The following KAZN variants were observed in gnomAD, a reference collection of about 807,000 sequenced individuals.
The protein encoded by KAZN is kazrin.
A neutral mutation model predicts 87.4 loss-of-function variants in KAZN; 40 were observed. The ratio of observed to expected loss-of-function variants is 0.46; its 90% CI spans 0.36 to 0.60. The LOEUF (loss-of-function observed/expected upper bound fraction) is 0.60, where lower values mean the gene tolerates loss of function less well. Ranked by LOEUF, KAZN falls within the 20% of genes least tolerant of loss-of-function variation. The pLI is 0.00. For synonymous variants in KAZN, 466 were observed against 458.3 expected, an observed-to-expected ratio of 1.02 and a Z score of -0.22; for missense variants, 898 against 1,073.9, an observed-to-expected ratio of 0.84 and a Z score of 2.29.
intron 1 of KAZN, among the ~76,000 whole-genome samples, chr1:14,943,930 C>A (rs1387422955): frequency 6.6e-6 from 1 of 152,122 alleles, no homozygotes; most frequent in African/African-American, 2.4e-5. Flanking sequence ...ACTAATTAGC[C>A]GGGCGTGGTG....
intron 1 of KAZN, among the ~76,000 whole-genome samples, chr1:14,629,524 G>A (rs942185666): frequency 1.3e-5 from 2 of 152,182 alleles, no homozygotes; most frequent in Admixed American, 6.5e-5. Flanking sequence ...GCAGCAACTC[G>A]GGTGAGGTGG....
chr1:14,567,082 T>G (rs1272523411), intron 2 of KAZN, among the ~76,000 whole-genome samples: 1 of 152,256 alleles, frequency 6.6e-6, no homozygotes, highest in Admixed American at 6.5e-5. Context: ...TGGCTTTCAA[T>G]GTGTCTTCCT....
At chr1:14,733,905 G>A (rs1440239964) in intron 1 of KAZN, among the ~76,000 whole-genome samples, 1 of 152,118 alleles carries the variant, frequency 6.6e-6, no homozygotes, top group Non-Finnish European at 1.5e-5. Flanking sequence ...TGCAGCCCAC[G>A]CCCCAGCCAG....
chr1:14,928,762 C>T (rs1422515727), intron 1 of KAZN, among the ~76,000 whole-genome samples: 3 of 152,136 alleles, frequency 2.0e-5, no homozygotes, highest in African/African-American at 7.2e-5. Flanking sequence ...GCTAGCAGGG[C>T]GAGGGCAGGA....
intron 1 of KAZN, among the ~76,000 whole-genome samples, chr1:14,942,688 G>A (rs747094576): frequency 3.4e-4 from 52 of 152,200 alleles, no homozygotes; most frequent in Admixed American, 9.8e-4. Context: ...ATGGAAGGAC[G>A]CTTTTGCCCC....
intron 1 of KAZN, among the ~76,000 whole-genome samples, chr1:14,098,427 T>C (rs1644177101): frequency 1.3e-5 from 2 of 152,174 alleles, no homozygotes; most frequent in Non-Finnish European, 2.9e-5. Flanking sequence ...GCAGCTATAG[T>C]ATGCTCCTTT....
chr1:14,693,254 C>A (rs1033384718), intron 1 of KAZN, among the ~76,000 whole-genome samples: 1 of 152,242 alleles, frequency 6.6e-6, no homozygotes, highest in African/African-American at 2.4e-5. Context: ...TTAATAGAAC[C>A]CCTTCTGAGA....
At position 14,241,279 on chromosome 1, in the gene KAZN, C is replaced by A. The variant is rs551281058; in HGVS notation, c.249+60687C>A. 4.6e-5 allele frequency among the ~76,000 whole-genome samples: 7 copies of A among 152,314 alleles called. No homozygotes were observed. The East Asian group carries it at 1.4e-3, about 29-fold the overall frequency. On this transcript the variant is annotated intron_variant, in intron 2 of 16. Transcript: ENST00000636203. ...TGAACTAGAACCCAGGACTCTGGAT[C>A]TTCCCAGGCTCTGGCCTCCACTGAA...
intron 2 of KAZN, among the ~76,000 whole-genome samples, chr1:14,419,115 A>T (rs533016873): frequency 6.6e-6 from 1 of 152,204 alleles, no homozygotes; most frequent in Admixed American, 6.5e-5. Flanking sequence ...ATCTCTTGGT[A>T]GCACCCCATC....
chr1:14,080,877 CA>C (rs1643649829), intron 1 of KAZN, among the ~76,000 whole-genome samples: 1 of 152,152 alleles, frequency 6.6e-6, no homozygotes, highest in Admixed American at 6.5e-5. Context: ...TCTAAGACCT[CA>C]GCACTAAACA....
intron 1 of KAZN, among the ~76,000 whole-genome samples, chr1:14,132,287 G>T (rs1028029551): frequency 6.6e-6 from 1 of 152,122 alleles, no homozygotes; most frequent in East Asian, 1.9e-4. Context: ...GATGTGCTAG[G>T]GTCAGGGGGT....
At chr1:14,133,659 A>C (rs981559605) in intron 1 of KAZN, among the ~76,000 whole-genome samples, 1 of 152,054 alleles carries the variant, frequency 6.6e-6, no homozygotes, top group African/African-American at 2.4e-5. Context: ...CCTGTTCTTG[A>C]CCAAGCAGAG....
At chr1:14,798,212 TA>T (rs1437447563) in intron 1 of KAZN, among the ~76,000 whole-genome samples, 1 of 151,882 alleles carries the variant, frequency 6.6e-6, no homozygotes, top group Non-Finnish European at 1.5e-5. Flanking sequence ...GGGAAAGGAG[TA>T]AAACCACGGT....
At chr1:14,208,987 C>T (rs933027163) in intron 2 of KAZN, among the ~76,000 whole-genome samples, 6 of 152,344 alleles carry the variant, frequency 3.9e-5, no homozygotes, top group Middle Eastern at 3.4e-3. Flanking sequence ...ACAAGAGCCT[C>T]GCAGGACATC....
intron 1 of KAZN, among the ~76,000 whole-genome samples, chr1:14,663,458 T>C (rs1018673565): frequency 3.3e-5 from 5 of 152,164 alleles, no homozygotes; most frequent in Admixed American, 3.3e-4. Context: ...CTATCCCTTC[T>C]CTCTTTAACC....
In KAZN at chr1:15,102,523, C is replaced by CT. The variant is rs1397236322; in HGVS notation, c.1779+750dup. Among the ~76,000 whole-genome samples, 18 of 152,242 alleles carry CT rather than the reference C, an allele frequency of 1.2e-4. No individual in the cohort carries two copies. In the East Asian group the frequency reaches 3.5e-3, roughly 29 times the overall value. ...CAGAGGTCACCAGGGGCCTGAGCTG[C>CT]TGGGCACTGTGGGGCTGAGTCCAGG... is the stretch of plus-strand genomic sequence containing the variant. On this transcript the variant is annotated intron_variant, in intron 11 of 14. Coordinates refer to ENST00000376030, the MANE Select transcript of KAZN (RefSeq NM_201628.3).
At chr1:14,209,929 A>G (rs1255732346) in intron 2 of KAZN, among the ~76,000 whole-genome samples, 1 of 152,088 alleles carries the variant, frequency 6.6e-6, no homozygotes, top group East Asian at 1.9e-4. Flanking sequence ...GGAACTGTGA[A>G]TGACTGATCC....
At chr1:14,140,255 T>C (rs6699488) in intron 1 of KAZN, among the ~76,000 whole-genome samples, 84,616 of 151,768 alleles carry the variant, frequency 0.56, 25,007 homozygotes, top group East Asian at 0.72. Flanking sequence ...AAGCCTCAAT[T>C]TCCTTATCTG....
intron 1 of KAZN, among the ~76,000 whole-genome samples, chr1:14,933,690 G>T (rs1239752998): frequency 2.6e-5 from 4 of 151,876 alleles, no homozygotes; most frequent in Non-Finnish European, 5.9e-5. Flanking sequence ...GGTGTGCAAG[G>T]GCTGTTCACA....
Sources: gnomAD v4.1 joint callset for allele counts (sites outside exome capture counted in the v4.1 genomes callset) on GRCh38, gnomAD v4.1.1 for gene constraint, MANE v1.5 for transcripts, NCBI Gene and HGNC (gene_info 2026-07-23, HGNC 2026-07-21) for gene names.